PIK3CB: variants seen among roughly 807,000 people sequenced by gnomAD.
PIK3CB encodes the protein phosphatidylinositol 4,5-bisphosphate 3-kinase catalytic subunit beta isoform.
PIK3CB carries 39 observed loss-of-function variants against 136.8 expected under a neutral mutation model. That is an observed-to-expected ratio of 0.29 (90% CI 0.22 to 0.37). The LOEUF (loss-of-function observed/expected upper bound fraction) is 0.37, where lower values mean the gene tolerates loss of function less well. PIK3CB is among the 10% of genes least tolerant of loss of function. PIK3CB has a pLI of 1.00. For synonymous variants in PIK3CB, 428 were observed against 436.6 expected, an observed-to-expected ratio of 0.98 and a Z score of 0.25; for missense variants, 868 against 1,275.4, an observed-to-expected ratio of 0.68 and a Z score of 4.87.
intron 8 of PIK3CB, among the ~76,000 whole-genome samples, chr3:138,724,449 T>C (rs1000641230): frequency 1.3e-5 from 2 of 152,174 alleles, no homozygotes; most frequent in Non-Finnish European, 2.9e-5. Context: ...TTAGGGTTTT[T>C]ATGGAGGAGG....
At chr3:138,751,005 T>C (rs1308372595) in intron 4 of PIK3CB, among the ~76,000 whole-genome samples, 1 of 152,164 alleles carries the variant, frequency 6.6e-6, no homozygotes, top group African/African-American at 2.4e-5. Flanking sequence ...TTTTTCAATA[T>C]ATTATGAATA....
At chr3:138,667,187 G>A (rs561231903) in intron 19 of PIK3CB, among the ~76,000 whole-genome samples, 125 of 135,144 alleles carry the variant, frequency 9.2e-4, no homozygotes, top group African/African-American at 3.3e-3. Context: ...CCAGCCTGGC[G>A]ACAGAGCGAG....
intron 1 of PIK3CB, among the ~76,000 whole-genome samples, chr3:138,820,653 C>G (rs1039006937): frequency 6.6e-5 from 10 of 152,100 alleles, no homozygotes; most frequent in African/African-American, 2.2e-4. Flanking sequence ...ACCACCACAC[C>G]TGGCTAATTT....
rs2043788337 is a variant in PIK3CB at position 138,681,846 on chromosome 3, AAATATT to A, written c.2504+115_2504+120del. Reference sequence around the variant, plus strand: ...GAAAGTACATTCTAAAGTGCTATATAAATATTATTATGAACAACAACTAAAAATAAG... The same window carrying A: ...GAAAGTACATTCTAAAGTGCTATATAATTATGAACAACAACTAAAAATAAG... On this transcript the variant is annotated intron_variant, in intron 19 of 23. Transcript: ENST00000674063. 8.2e-6 allele frequency: 5 copies of A among 606,836 alleles called. 1 individual carries two copies. Among genetic ancestry groups the A allele is most frequent in the Middle Eastern group, 2.8e-4 (1 of 3,616 alleles). The allele number at this position is 606,836 out of a possible 1,614,324, so 37.6% of individuals were successfully genotyped here. A position where few individuals can be genotyped will look rare whatever the true frequency, so the allele number is the denominator to read the frequency against.
At chr3:138,739,400 G>C (rs1474484487) in intron 5 of PIK3CB, among the ~76,000 whole-genome samples, 1 of 151,676 alleles carries the variant, frequency 6.6e-6, no homozygotes. Context: ...CTGAGATTGT[G>C]TCACTGCACT....
At chr3:138,678,580 A>T (rs2043697552) in intron 19 of PIK3CB, among the ~76,000 whole-genome samples, 1 of 152,116 alleles carries the variant, frequency 6.6e-6, no homozygotes, top group Non-Finnish European at 1.5e-5. Context: ...ATACATTCAT[A>T]TTGGAGTAAA....
At chr3:138,771,532 T>A (rs529477057) in intron 2 of PIK3CB, among the ~76,000 whole-genome samples, 22 of 152,322 alleles carry the variant, frequency 1.4e-4, no homozygotes, top group Non-Finnish European at 2.8e-4. Context: ...GAACTTCATT[T>A]TCTAAAGGTG....
intron 1 of PIK3CB, among the ~76,000 whole-genome samples, chr3:138,816,992 G>C (rs1933363128): frequency 6.7e-6 from 1 of 148,698 alleles, no homozygotes; most frequent in African/African-American, 2.5e-5. Flanking sequence ...CTGGAGGTCG[G>C]GAGTTCAAGA....
chr3:138,781,317 G>A (rs538807525), intron 2 of PIK3CB, among the ~76,000 whole-genome samples: 4 of 151,240 alleles, frequency 2.6e-5, no homozygotes, highest in East Asian at 2.0e-4. Flanking sequence ...AACAAAAAAC[G>A]AAAATGAAAC....
chr3:138,815,368 A>AAAAAAAAAAAAAAAAAAC (rs1553743726), intron 1 of PIK3CB, among the ~76,000 whole-genome samples: 26 of 105,958 alleles, frequency 2.5e-4, no homozygotes, highest in Non-Finnish European at 4.5e-4. Context: ...AAAAAAAAAA[A>AAAAAAAAAAAAAAAAAAC]AAAAAAACTA....
At chr3:138,814,808 C>G (rs936356548) in intron 1 of PIK3CB, among the ~76,000 whole-genome samples, 22 of 152,026 alleles carry the variant, frequency 1.4e-4, no homozygotes, top group Admixed American at 1.4e-3. Context: ...TCTAGCCCAG[C>G]CTGGGCAACA....
chr3:138,747,962 A>G (rs1362131883), intron 4 of PIK3CB, among the ~76,000 whole-genome samples: 1 of 152,204 alleles, frequency 6.6e-6, no homozygotes, highest in Non-Finnish European at 1.5e-5. Context: ...GAAATCTAAA[A>G]GAATGAATCA....
At chr3:138,740,527 A>G (rs901324163) in intron 5 of PIK3CB, among the ~76,000 whole-genome samples, 4 of 152,282 alleles carry the variant, frequency 2.6e-5, no homozygotes, top group African/African-American at 9.6e-5. Context: ...TCATTTTGAG[A>G]AGTCGCATGC....
Position 138,734,817 on chromosome 3 carries a change from G to C in PIK3CB, c.802-13C>G. ...AGTTCCGGATATACTATAGGGGCAA[G>C]AAAGGGGAAGGTATTGATTTTCATG... is the stretch of plus-strand genomic sequence containing the variant. On this transcript the variant is annotated splice_polypyrimidine_tract_variant and intron_variant, in intron 6 of 23. Transcript: ENST00000674063. The C allele has an allele frequency of 5.8e-6, 9 of 1,563,780 alleles. No individual in the cohort carries two copies. The highest frequency in any genetic ancestry group is 7.8e-6 in the Non-Finnish European group (9 of 1,151,982).
At chr3:138,735,271 C>A (rs1288330823) in intron 6 of PIK3CB, among the ~76,000 whole-genome samples, 1 of 151,856 alleles carries the variant, frequency 6.6e-6, no homozygotes, top group African/African-American at 2.4e-5. Context: ...AATTTTAAAT[C>A]ACAATACAAA....
intron 2 of PIK3CB, among the ~76,000 whole-genome samples, chr3:138,779,671 G>A (rs1000906510): frequency 2.7e-5 from 4 of 150,216 alleles, no homozygotes; most frequent in African/African-American, 9.8e-5. Context: ...GGGATTACAA[G>A]CATGAAATCG....
At chr3:138,680,990 A>T (rs534664677) in intron 19 of PIK3CB, among the ~76,000 whole-genome samples, 1 of 149,644 alleles carries the variant, frequency 6.7e-6, no homozygotes, top group Non-Finnish European at 1.5e-5. Context: ...GCACGGCCCA[A>T]TTGTTCTTAT....
At chr3:138,755,728 T>C in intron 4 of PIK3CB, 26 bp downstream of exon 4, 1 of 1,099,268 alleles carries the variant, frequency 9.1e-7, no homozygotes, top group Non-Finnish European at 1.4e-6. Context: ...TAAGAATTTG[T>C]ACTTTTTTTT....
chr3:138,825,588 A>C lies in PIK3CB; in HGVS notation c.-122+9107T>G. The C allele has an allele frequency of 4.8e-6, 3 of 630,848 alleles. No homozygotes were observed. In the East Asian group the frequency reaches 7.8e-5, roughly 16 times the overall value. The allele number at this position is 630,848 out of a possible 1,614,324, so 39.1% of individuals were successfully genotyped here. A position where few individuals can be genotyped will look rare whatever the true frequency, so the allele number is the denominator to read the frequency against. ...ACATGCCTTGGTTCATGGGATAGAA[A>C]GTCACCCATAAAGATGGCAATGCCA... On this transcript the variant is annotated intron_variant, in intron 1 of 23. Transcript: ENST00000674063.
Sources: allele counts gnomAD v4.1 joint callset (sites outside exome capture counted in the v4.1 genomes callset), GRCh38; gene constraint gnomAD v4.1.1; transcripts MANE v1.5; gene names NCBI Gene and HGNC (gene_info 2026-07-23, HGNC 2026-07-21).